The following UNC80 variants were observed in gnomAD, a reference collection of about 807,000 sequenced individuals.
UNC80 encodes unc-80 subunit of NALCN channel complex, also known as protein unc-80 homolog.
UNC80 carries 164 observed loss-of-function variants against 384.6 expected under a neutral mutation model. The ratio of observed to expected loss-of-function variants is 0.43; its 90% CI spans 0.38 to 0.49. The LOEUF (loss-of-function observed/expected upper bound fraction) is 0.49, where lower values mean the gene tolerates loss of function less well. Ranked by LOEUF, UNC80 falls within the 20% of genes least tolerant of loss-of-function variation. The pLI, the probability that UNC80 is intolerant of heterozygous loss-of-function variation, is 0.00. For missense variants in UNC80, 3,330 were observed against 4,143.0 expected (o/e 0.80, Z 5.39); for synonymous variants, 1,486 against 1,527.8 (o/e 0.97, Z 0.64).
rs118134238 is a variant in UNC80 at position 209,997,577 on chromosome 2, A to T, written c.*1982A>T. The T allele has an allele frequency of 3.6e-4, 55 of 152,334 alleles. No homozygotes were observed. The East Asian group carries it at 0.011, about 29-fold the overall frequency. The allele number at this position is 152,334 out of a possible 1,614,324, so 9.4% of individuals were successfully genotyped here. A position where few individuals can be genotyped will look rare whatever the true frequency, so the allele number is the denominator to read the frequency against. ...TTCAACAAGAATCATAAATACCTTT[A>T]TATGTATTTTAAAAGTATTGGGCTG... On this transcript the variant is annotated 3_prime_UTR_variant, in exon 65 of 65. Transcript: ENST00000673920.
Position 209,912,566 on chromosome 2 carries a change from G to A in UNC80, c.4789G>A (p.Asp1597Asn). ...LRGKKQKECS[D>N]KSCLRTPSLK... ...ATATCCCTGGTCTTTTCAGTGCTCA[G>A]ATAAGTCATGCCTGAGGACACCTTC... is the stretch of plus-strand genomic sequence containing the variant. The change falls in exon 30 of 65, where the codon GAT (aspartate) becomes AAT (asparagine). Residue 1597 changes from aspartate (D) to asparagine (N), a missense_variant. Physicochemically the swap from Asp to Asn is conservative, Grantham distance 23. Around this residue, in one of 8 missense-constraint regions of UNC80, gnomAD observed 801 missense variants for 950.8 expected, o/e 0.84. Coordinates refer to ENST00000673920, the MANE Select transcript of UNC80 (RefSeq NM_001371986.1). 6.5e-7 allele frequency: 1 copy of A among 1,550,132 alleles called. No individual in the cohort carries two copies.
Position 209,872,956 on chromosome 2 carries a change from T to C in UNC80, c.3826T>C (p.Tyr1276His), listed in dbSNP as rs2084426769. The C allele has an allele frequency of 6.4e-7, 1 of 1,551,678 alleles. No individual in the cohort carries two copies. The highest frequency in any genetic ancestry group is 8.7e-7 in the Non-Finnish European group (1 of 1,146,980). ...KLQWNAAKLF[Y>H]QWGDAIGVRL... ...GCAGTGGAATGCAGCCAAGCTCTTC[T>C]ACCAATGGGGAGACGTGAGCTTTCG... The change falls in exon 23 of 65, where the codon TAC becomes CAC. Residue 1276 changes from tyrosine to histidine, a missense_variant. By Grantham distance (83) the Tyr-to-His change is moderately conservative. This residue lies in a region of UNC80 where 801 missense variants were observed against 950.8 expected (regional missense o/e 0.84). Coordinates refer to ENST00000673920, the MANE Select transcript of UNC80 (RefSeq NM_001371986.1). This position sits in a 1 kb window ranked among gnomAD's most constrained non-coding sequence, Gnocchi z 4.1.
At chr2:209,851,125 CT>C (rs1426416394) in intron 22 of UNC80, among the ~76,000 whole-genome samples, 1 of 151,570 alleles carries the variant, frequency 6.6e-6, no homozygotes, top group African/African-American at 2.4e-5. Flanking sequence ...AAGAAATGCT[CT>C]GTTAATTTAC....
At chr2:209,936,572 C>T (rs1008841497) in intron 40 of UNC80, among the ~76,000 whole-genome samples, 4 of 151,994 alleles carry the variant, frequency 2.6e-5, no homozygotes, top group African/African-American at 4.8e-5. Flanking sequence ...CAGTCTTTAT[C>T]GTACCATTCT....
At chr2:209,825,473 G>C (rs570052279) in intron 13 of UNC80, among the ~76,000 whole-genome samples, 15 of 152,262 alleles carry the variant, frequency 9.9e-5, no homozygotes, top group African/African-American at 3.6e-4. Context: ...ATGAAATTTC[G>C]AAGCTCCAGA....
intron 35 of UNC80, 92 bp downstream of exon 35, chr2:209,922,475 C>T (rs951230493): frequency 7.6e-7 from 1 of 1,307,632 alleles, no homozygotes; most frequent in Non-Finnish European, 1.0e-6. Context: ...ATTACATTGT[C>T]TTCATTAAAT....
chr2:209,782,442 A>G (rs531042691), intron 4 of UNC80, among the ~76,000 whole-genome samples: 3 of 152,090 alleles, frequency 2.0e-5, no homozygotes, highest in African/African-American at 7.2e-5. Context: ...TTCATTTGAG[A>G]TCCATCTTTC....
At chr2:209,773,609 G>T (rs1424942041) in intron 2 of UNC80, among the ~76,000 whole-genome samples, 1 of 152,168 alleles carries the variant, frequency 6.6e-6, no homozygotes, top group African/African-American at 2.4e-5. Context: ...AAAGGGTGGG[G>T]CGGGATCGAG....
Position 209,789,592 on chromosome 2 carries a change from C to T in UNC80, c.785C>T (p.Ala262Val). ...ACCTGTGAATCACCAAATCAAGATG[C>T]AAGACACTTAGAGGTTAGTTTATTA... ...SRTCESPNQD[A>V]RHLEGLQVVC... The change falls in exon 6 of 65, where the codon GCA becomes GTA. Residue 262 changes from alanine to valine, a missense_variant. Transcript: ENST00000673920. 1 of 1,611,888 alleles carries T rather than the reference C, an allele frequency of 6.2e-7. No homozygotes were observed. Among genetic ancestry groups the T allele is most frequent in the Non-Finnish European group, 8.5e-7 (1 of 1,178,280 alleles).
At position 209,996,458 on chromosome 2, in the gene UNC80, G is replaced by C. The variant is rs2093485063; in HGVS notation, c.*863G>C. On this transcript the variant is annotated 3_prime_UTR_variant, in exon 65 of 65. Coordinates refer to ENST00000673920, the MANE Select transcript of UNC80 (RefSeq NM_001371986.1). The stretch of plus-strand genomic sequence containing the variant: ...TAGAAGCTATTGGAAAATGTGATTA[G>C]TAATACTTTTCCTTATAGTATCCTG... The C allele has an allele frequency of 6.6e-6, 1 of 152,198 alleles. No homozygotes were observed. The highest frequency in any genetic ancestry group is 2.4e-5 in the African/African-American group (1 of 41,464). The allele number at this position is 152,198 out of a possible 1,614,324, so 9.4% of individuals were successfully genotyped here.
Position 209,988,942 on chromosome 2 carries a change from T to A in UNC80, c.9315-3224T>A, listed in dbSNP as rs376904275. Among the ~76,000 whole-genome samples the A allele has an allele frequency of 7.9e-5, 12 of 152,276 alleles. 1 individual carries two copies. In the South Asian group the frequency reaches 1.2e-3, roughly 16 times the overall value. On this transcript the variant is annotated intron_variant, in intron 61 of 64. Transcript: ENST00000673920. ...TTCAATTTAGAAAACTTTATTTGCT[T>A]ATATCCTTATTGTTCCACCTTATTA...
intron 7 of UNC80, among the ~76,000 whole-genome samples, chr2:209,803,599 G>A (rs1187527262): frequency 2.6e-5 from 4 of 152,114 alleles, no homozygotes; most frequent in Non-Finnish European, 5.9e-5. Context: ...AGATATTCTA[G>A]TCAAAAATAT....
rs2080552591 is a variant in UNC80 at position 209,826,753 on chromosome 2, G to A, written c.2478+700G>A. Among the ~76,000 whole-genome samples, 2 of 152,080 alleles carry A rather than the reference G, an allele frequency of 1.3e-5. 1 individual carries two copies. Among genetic ancestry groups the A allele is most frequent in the African/African-American group, 4.8e-5 (2 of 41,412 alleles). ...ACAATAACCTACTTCCACAGTCTGA[G>A]CTGGGATGGTTGCTTCATATGTATG... On this transcript the variant is annotated intron_variant, in intron 14 of 64. Transcript: ENST00000673920.
In UNC80 at chr2:209,952,269, T is replaced by G. The variant is rs150239724; in HGVS notation, c.7287-1831T>G. 1.1e-4 allele frequency among the ~76,000 whole-genome samples: 16 copies of G among 152,132 alleles called. 2 individuals carry two copies. The highest frequency in any genetic ancestry group is 1.0e-3 in the Admixed American group (16 of 15,274). The stretch of plus-strand genomic sequence containing the variant: ...ATTGCATTAAAAAAATTAGAAATGC[T>G]TTGAGGATCTACCCGATGTTATCTT... On this transcript the variant is annotated intron_variant, in intron 47 of 64. Coordinates refer to ENST00000673920, the MANE Select transcript of UNC80 (RefSeq NM_001371986.1).
intron 22 of UNC80, among the ~76,000 whole-genome samples, chr2:209,853,569 T>G (rs2082682864): frequency 6.6e-6 from 1 of 152,086 alleles, no homozygotes; most frequent in Non-Finnish European, 1.5e-5. Flanking sequence ...TGTAAGGCAT[T>G]TTTTAAAAGA....
intron 6 of UNC80, among the ~76,000 whole-genome samples, chr2:209,792,787 G>A (rs562390183): frequency 1.8e-4 from 28 of 152,248 alleles, no homozygotes; most frequent in Middle Eastern, 3.4e-3. Flanking sequence ...CAGATATGTG[G>A]CTGTTTGTGG....
intron 2 of UNC80, among the ~76,000 whole-genome samples, chr2:209,774,723 A>G (rs1308934410): frequency 1.3e-5 from 2 of 152,134 alleles, no homozygotes; most frequent in Non-Finnish European, 2.9e-5. Flanking sequence ...TGATTTTATA[A>G]TATTTGTATT....
Position 209,849,460 on chromosome 2 carries a change from G to A in UNC80, c.3464G>A (p.Ser1155Asn), listed in dbSNP as rs1435972575. ...ENFFKRLGCH[S>N]FDDHLSPNQD... ...GGCACCACCTTTACAGGTTGCCACA[G>A]TTTTGATGATCATCTCTCTCCCAAC... Residue 1155 changes from serine to asparagine, a missense_variant, in exon 22 of 65, where the codon AGT becomes AAT. Physicochemically the swap from Ser to Asn is conservative, Grantham distance 46. This residue lies in a region of UNC80 where 801 missense variants were observed against 950.8 expected (regional missense o/e 0.84). Coordinates refer to ENST00000673920, the MANE Select transcript of UNC80 (RefSeq NM_001371986.1). 6.4e-7 allele frequency: 1 copy of A among 1,550,810 alleles called. No homozygotes were observed. The highest frequency in any genetic ancestry group is 8.7e-7 in the Non-Finnish European group (1 of 1,146,378).
At chr2:209,862,676 A>G (rs1364037702) in intron 22 of UNC80, among the ~76,000 whole-genome samples, 2 of 67,432 alleles carry the variant, frequency 3.0e-5, no homozygotes, top group Non-Finnish European at 5.5e-5. Context: ...TTTGCTTTCC[A>G]TTTGCTTGGT....
Sources: gnomAD v4.1 joint callset for allele counts (sites outside exome capture counted in the v4.1 genomes callset) on GRCh38, gnomAD v4.1.1 for gene constraint, gnomAD v4.1.1 regional missense constraint, Gnocchi (gnomAD v3.1) non-coding constraint, MANE v1.5 for transcripts, NCBI Gene and HGNC (gene_info 2026-07-23, HGNC 2026-07-21) for gene names.